Variants in SRRD observed in about 807,000 individuals in gnomAD.
The protein encoded by SRRD is SRR1 domain containing, also known as SRR1-like protein.
Under a neutral mutation model 30.7 loss-of-function variants are expected in SRRD, and 28 were observed. The ratio of observed to expected loss-of-function variants is 0.91; its 90% confidence interval spans 0.68 to 1.25. The LOEUF (loss-of-function observed/expected upper bound fraction) is 1.25, where lower values mean the gene tolerates loss of function less well. Among genes scored for constraint, SRRD ranks in the 50% most tolerant of loss-of-function variants. The pLI is 0.00. For missense variants in SRRD, 415 were observed against 417.3 expected (o/e 0.99, Z 0.05); for synonymous variants, 161 against 159.6 (o/e 1.01, Z -0.07).
At chr22:26,490,291 C>A in intron 5 of SRRD, 93 bp downstream of exon 5, 1 of 1,391,384 alleles carries the variant, frequency 7.2e-7, no homozygotes, top group South Asian at 1.3e-5. Context: ...CTTGACGATT[C>A]CATACTGGGG....
intron 4 of SRRD, among the ~76,000 whole-genome samples, chr22:26,489,127 T>C (rs190958920): frequency 6.6e-6 from 1 of 152,342 alleles, no homozygotes; most frequent in East Asian, 1.9e-4. Flanking sequence ...TGCCATCTTA[T>C]TGCTTATTAT....
At chr22:26,491,375 G>A in intron 6 of SRRD, 88 bp from the exon 7 acceptor site, 1 of 1,055,880 alleles carries the variant, frequency 9.5e-7, no homozygotes, top group South Asian at 1.5e-5. Flanking sequence ...AGTAAAGTGG[G>A]GATGACAAGT....
intron 4 of SRRD, 99 bp from the exon 5 acceptor site, chr22:26,489,945 T>A: frequency 1.3e-5 from 18 of 1,370,562 alleles, no homozygotes; most frequent in Non-Finnish European, 1.8e-5. Context: ...TTTGATCCTT[T>A]AGTTTGTCTC....
At position 26,491,515 on chromosome 22, in the gene SRRD, A is replaced by G. The variant is rs1569153171; in HGVS notation, c.863A>G (p.Asp288Gly). The change falls in exon 7 of 7, where the codon GAC becomes GGC. Residue 288 changes from aspartate to glycine, a missense_variant. Coordinates refer to ENST00000215917, the MANE Select transcript of SRRD (RefSeq NM_001013694.3). Reference sequence around the variant, plus strand: ...TTTCCTCAGACTTCACAATACATGGACATATTTAATGATACCTCTGTCCAC... The same window carrying G: ...TTTCCTCAGACTTCACAATACATGGGCATATTTAATGATACCTCTGTCCAC... ...LEFPQTSQYM[D>G]IFNDTSVHWF... 6.2e-7 allele frequency: 1 copy of G among 1,614,132 alleles called. No homozygotes were observed. Among genetic ancestry groups the G allele is most frequent in the Non-Finnish European group, 8.5e-7 (1 of 1,180,002 alleles).
chr22:26,489,276 A>T (rs1208331700), intron 4 of SRRD, among the ~76,000 whole-genome samples: 6 of 152,082 alleles, frequency 3.9e-5, no homozygotes, highest in Admixed American at 3.9e-4. Flanking sequence ...ACCAAGAAAA[A>T]TGGGAGCCAG....
chr22:26,491,423 T>C, intron 6 of SRRD, 40 bp from the exon 7 acceptor site: 1 of 1,482,464 alleles, frequency 6.7e-7, no homozygotes, highest in Non-Finnish European at 9.4e-7. Flanking sequence ...GGGATTACTG[T>C]GACTATCTGA....
At position 26,494,390 on chromosome 22, in the gene SRRD, C is replaced by G; in HGVS notation, c.*2718C>G. The G allele has an allele frequency of 6.7e-7, 1 of 1,503,494 alleles. No homozygotes were observed. The allele number at this position is 1,503,494 out of a possible 1,614,324, so 93.1% of individuals were successfully genotyped here. Reference sequence around the variant, plus strand: ...AGTGGCCATTTGTTTTGTTTTGATCCTGGTCCTACAGGCTAGTGACACTAC... The same window carrying G: ...AGTGGCCATTTGTTTTGTTTTGATCGTGGTCCTACAGGCTAGTGACACTAC... On this transcript the variant is annotated 3_prime_UTR_variant, in exon 7 of 7. Coordinates refer to ENST00000215917, the MANE Select transcript of SRRD (RefSeq NM_001013694.3).
rs1300594381 is a variant in SRRD at position 26,492,266 on chromosome 22, G to C, written c.*594G>C. The C allele has an allele frequency of 6.2e-7, 1 of 1,614,112 alleles. No homozygotes were observed. Among genetic ancestry groups the C allele is most frequent in the Non-Finnish European group, 8.5e-7 (1 of 1,180,040 alleles). ...AATGCCCCTCTGAGCCATGTTCTCA[G>C]CCTCCCGCCTCTCCTGCATGGCCTC... On this transcript the variant is annotated 3_prime_UTR_variant, in exon 7 of 7. Transcript: ENST00000215917.
At position 26,490,277 on chromosome 22, in the gene SRRD, T is replaced by C; in HGVS notation, c.764+79T>C. On this transcript the variant is annotated intron_variant, in intron 5 of 6. Transcript: ENST00000215917. ...CAGATTGACCCACATGCAGAAAACA[T>C]TTCCTTGACGATTCCATACTGGGGA... 8 of 1,505,256 alleles carry C rather than the reference T, an allele frequency of 5.3e-6. 1 individual carries two copies. In the South Asian group the frequency reaches 9.6e-5, roughly 18 times the overall value. 93.2% of individuals were successfully genotyped at this position (1,505,256 alleles called of 1,614,324 possible). A position where few individuals can be genotyped will look rare whatever the true frequency, so the allele number is the denominator to read the frequency against.
intron 5 of SRRD, 178 bp from the exon 6 acceptor site, chr22:26,490,847 T>C (rs1249433806): frequency 3.4e-6 from 2 of 595,878 alleles, no homozygotes; most frequent in Non-Finnish European, 5.8e-6. Context: ...TACCTGCGCC[T>C]GGCCCACATT....
Position 26,488,123 on chromosome 22 carries a change from A to G in SRRD, c.345A>G (p.Ser115=). Reference sequence around the variant, plus strand: ...TCTTTGGAAACCTGCATCTTGACTCATTGCCAGAGGAGTCAGATGTGGCCA... The same window carrying G: ...TCTTTGGAAACCTGCATCTTGACTCGTTGCCAGAGGAGTCAGATGTGGCCA... The part of the protein sequence containing the change: ...SDIFGNLHLD[S]LPEESDVATD... Residue 115 remains serine, a synonymous_variant, in exon 3 of 7, where the codon TCA becomes TCG. Coordinates refer to ENST00000215917, the MANE Select transcript of SRRD (RefSeq NM_001013694.3). 6.2e-7 allele frequency: 1 copy of G among 1,614,198 alleles called. No homozygotes were observed. The highest frequency in any genetic ancestry group is 8.5e-7 in the Non-Finnish European group (1 of 1,180,028).
chr22:26,488,209 A>C lies in SRRD; in HGVS notation c.431A>C (p.Tyr144Ser), dbSNP rs1042244392. ...ACCTGCCATTTGAAGTGTGTGTGTT[A>C]CGGCATTGGGAACTTTGCCACCTGC... The part of the protein sequence containing the change: ...TGTCHLKCVC[Y>S]GIGNFATCIV... Residue 144 changes from tyrosine to serine, a missense_variant, in exon 3 of 7, where the codon TAC becomes TCC. Tyr to Ser is a moderately radical substitution (Grantham distance 144, BLOSUM62 -2). Transcript: ENST00000215917. 2 of 1,614,094 alleles carry C rather than the reference A, an allele frequency of 1.2e-6. No individual in the cohort carries two copies. Among genetic ancestry groups the C allele is most frequent in the Middle Eastern group, 1.6e-4 (1 of 6,084 alleles).
Position 26,492,317 on chromosome 22 carries a change from G to A in SRRD, c.*645G>A, listed in dbSNP as rs147683514. 9.3e-6 allele frequency: 15 copies of A among 1,614,046 alleles called. No homozygotes were observed. Among genetic ancestry groups the A allele is most frequent in the South Asian group, 2.2e-5 (2 of 91,094 alleles). ...GTACTGGAAGTCCTTCCTCCGCTCCGTGTGGGTGAGATAGGCAATGTTCTC... is the reference window on the plus strand; with the variant it reads ...GTACTGGAAGTCCTTCCTCCGCTCCATGTGGGTGAGATAGGCAATGTTCTC... On this transcript the variant is annotated 3_prime_UTR_variant, in exon 7 of 7. Transcript: ENST00000215917.
Position 26,492,113 on chromosome 22 carries a change from C to T in SRRD, c.*441C>T. 6.2e-7 allele frequency: 1 copy of T among 1,614,158 alleles called. No individual in the cohort carries two copies. The highest frequency in any genetic ancestry group is 8.5e-7 in the Non-Finnish European group (1 of 1,180,000). On this transcript the variant is annotated 3_prime_UTR_variant, in exon 7 of 7. Transcript: ENST00000215917. ...CCGGTCGATGTAGATCACAATGCGGCCAAAGGTGTAGAGCTGCTTCCCTTC... is the reference window on the plus strand; with the variant it reads ...CCGGTCGATGTAGATCACAATGCGGTCAAAGGTGTAGAGCTGCTTCCCTTC...
intron 4 of SRRD, among the ~76,000 whole-genome samples, chr22:26,488,921 G>T (rs1406628856): frequency 6.6e-6 from 1 of 152,216 alleles, no homozygotes; most frequent in Admixed American, 6.5e-5. Flanking sequence ...GCACCTGGCT[G>T]TGAGTTGTGG....
In SRRD at chr22:26,494,243, C is replaced by G; in HGVS notation, c.*2571C>G. The G allele has an allele frequency of 6.2e-7, 1 of 1,614,224 alleles. No homozygotes were observed. The highest frequency in any genetic ancestry group is 2.2e-5 in the East Asian group (1 of 44,888). ...TTGGTCTGAGAACATCGACTTCCAA[C>G]CCAGGTACCACTTGGTGATCTCCTC... On this transcript the variant is annotated 3_prime_UTR_variant, in exon 7 of 7. Transcript: ENST00000215917.
At position 26,491,734 on chromosome 22, in the gene SRRD, G is replaced by C. The variant is rs577061104; in HGVS notation, c.*62G>C. 1.8e-5 allele frequency: 27 copies of C among 1,462,004 alleles called. No individual in the cohort carries two copies. The African/African-American group carries it at 3.2e-4, about 17-fold the overall frequency. The allele number at this position is 1,462,004 out of a possible 1,614,324, so 90.6% of individuals were successfully genotyped here. ...AGCTGCCACCAGAGACTAAAGGGAA[G>C]GCTGCTATGGAGGAACTACAGAGAA... On this transcript the variant is annotated 3_prime_UTR_variant, in exon 7 of 7. Transcript: ENST00000215917.
chr22:26,491,500 C>T lies in SRRD; in HGVS notation c.848C>T (p.Thr283Ile). The stretch of plus-strand genomic sequence containing the variant: ...CTGGAGGAGCTTGAGTTTCCTCAGA[C>T]TTCACAATACATGGACATATTTAAT... ...KGLEELEFPQTSQYMDIFNDT... is the reference protein window; with the variant it reads ...KGLEELEFPQISQYMDIFNDT... Residue 283 changes from threonine to isoleucine, a missense_variant, in exon 7 of 7, where the codon ACT (threonine) becomes ATT (isoleucine). Thr to Ile is a moderately conservative substitution (Grantham distance 89). Coordinates refer to ENST00000215917, the MANE Select transcript of SRRD (RefSeq NM_001013694.3). 6.2e-7 allele frequency: 1 copy of T among 1,613,938 alleles called. No individual in the cohort carries two copies. Among genetic ancestry groups the T allele is most frequent in the Non-Finnish European group, 8.5e-7 (1 of 1,179,998 alleles).
chr22:26,486,055 C>A lies in SRRD; in HGVS notation c.242C>A (p.Ser81Ter). ...CTGTTTATCTCTGATTTCTGGAGTT[C>A]AGCACTAGGTGGGTACCACTTGGCC... ...KDLFISDFWS[S>*]ALETINRCLT... Residue 81 changes from serine to a stop codon, truncating the protein, a stop_gained, in exon 2 of 7, where the codon TCA (serine) becomes TAA (stop). Coordinates refer to ENST00000215917, the MANE Select transcript of SRRD (RefSeq NM_001013694.3). LOFTEE classifies it high-confidence loss of function. 1 of 1,614,102 alleles carries A rather than the reference C, an allele frequency of 6.2e-7. No individual in the cohort carries two copies. Among genetic ancestry groups the A allele is most frequent in the South Asian group, 1.1e-5 (1 of 91,076 alleles).
Sources: gnomAD v4.1 joint callset for allele counts (sites outside exome capture counted in the v4.1 genomes callset) on GRCh38, gnomAD v4.1.1 for gene constraint, MANE v1.5 for transcripts, NCBI Gene and HGNC (gene_info 2026-07-23, HGNC 2026-07-21) for gene names.